The following PHLPP2 variants were observed in gnomAD, a reference collection of about 807,000 sequenced individuals.
PHLPP2 encodes the protein PH domain leucine-rich repeat-containing protein phosphatase 2.
PHLPP2 carries 66 observed loss-of-function variants against 124.9 expected under a neutral mutation model. That is an observed-to-expected ratio of 0.53 (90% confidence interval 0.43 to 0.65). PHLPP2 has a LOEUF of 0.65. PHLPP2 is among the 30% of genes least tolerant of loss of function. PHLPP2 has a pLI of 0.00. For missense variants in PHLPP2, 1,685 were observed against 1,600.4 expected (o/e 1.05, Z -0.90); for synonymous variants, 681 against 624.7 (o/e 1.09, Z -1.34).
Position 71,724,581 on chromosome 16 carries a change from T to A in PHLPP2, c.-259A>T, listed in dbSNP as rs2045421016. 2 of 152,214 alleles carry A rather than the reference T, an allele frequency of 1.3e-5. No individual in the cohort carries two copies. The highest frequency in any genetic ancestry group is 4.1e-4 in the South Asian group (2 of 4,832). 9.4% of individuals were successfully genotyped at this position (152,214 alleles called of 1,614,324 possible). A position where few individuals can be genotyped will look rare whatever the true frequency, so the allele number is the denominator to read the frequency against. ...AAGTTAACTTCTTTTCTTTTCTTTG[T>A]TTTGTTTTTCTTTTCGTTCTCGCAG... On this transcript the variant is annotated 5_prime_UTR_variant, in exon 1 of 19. Transcript: ENST00000568954.
chr16:71,708,070 G>A (rs563513053), intron 2 of PHLPP2, among the ~76,000 whole-genome samples: 5 of 152,228 alleles, frequency 3.3e-5, no homozygotes, highest in South Asian at 2.1e-4. Context: ...AGGTGTCCAC[G>A]CCGCCCCTAA....
rs1297764095 is a variant in PHLPP2 at position 71,714,640 on chromosome 16, G to C, written c.156C>G (p.Ser52=). Reference sequence around the variant, plus strand: ...CAGAGGAAGAGGAGGAGGAGGAAGAGGAAGAGGAGGTGGTGGTGGTTGTAG... The same window carrying C: ...CAGAGGAAGAGGAGGAGGAGGAAGACGAAGAGGAGGTGGTGGTGGTTGTAG... The part of the protein sequence containing the change: ...TATTTTTTSS[S]SSSSSSSSDL... Residue 52 remains serine (S), a synonymous_variant, in exon 2 of 19, where the codon TCC becomes TCG. Transcript: ENST00000568954. 1 of 1,613,690 alleles carries C rather than the reference G, an allele frequency of 6.2e-7. No homozygotes were observed. Among genetic ancestry groups the C allele is most frequent in the African/African-American group, 1.3e-5 (1 of 74,906 alleles).
intron 3 of PHLPP2, among the ~76,000 whole-genome samples, chr16:71,696,785 T>C (rs574491289): frequency 2.6e-5 from 4 of 152,324 alleles, no homozygotes; most frequent in Non-Finnish European, 5.9e-5. Flanking sequence ...GTATTAACTA[T>C]GGCTGTAGCA....
rs1460253674 is a variant in PHLPP2 at position 71,691,484 on chromosome 16, T to C, written c.419-775A>G. Among the ~76,000 whole-genome samples, 17 of 148,138 alleles carry C rather than the reference T, an allele frequency of 1.1e-4. No homozygotes were observed. In the South Asian group the frequency reaches 3.4e-3, roughly 30 times the overall value. On this transcript the variant is annotated intron_variant, in intron 3 of 18. Coordinates refer to ENST00000568954, the MANE Select transcript of PHLPP2 (RefSeq NM_015020.3). Reference sequence around the variant, plus strand: ...TCAAATAAATAAATAAATAAATAAATAAATAAATAAATAAATAAATAAATA... The same window carrying C: ...TCAAATAAATAAATAAATAAATAAACAAATAAATAAATAAATAAATAAATA...
In PHLPP2 at chr16:71,649,478, C is replaced by A; in HGVS notation, c.3384G>T (p.Leu1128=). ...CSLHPTPTSG[L]FQRQPSSATF... is the part of the protein sequence containing the mutation. ...TAGCAGAAGAAGGCTGGCGCTGAAA[C>A]AGCCCAGAGGTGGGTGTTGGGTGGA... is the stretch of plus-strand genomic sequence containing the variant. The change falls in exon 19 of 19, where the codon CTG becomes CTT. Residue 1128 remains leucine, a synonymous_variant. Transcript: ENST00000568954. The A allele has an allele frequency of 1.2e-6, 2 of 1,614,122 alleles. No individual in the cohort carries two copies. Among genetic ancestry groups the A allele is most frequent in the African/African-American group, 2.7e-5 (2 of 75,044 alleles).
chr16:71,671,312 T>C (rs11075898), intron 10 of PHLPP2, among the ~76,000 whole-genome samples: 129,092 of 151,944 alleles, frequency 0.85, 55,000 homozygotes, highest in East Asian at 0.99. Context: ...AGGTACTATC[T>C]TATGCATTTT....
chr16:71,654,302 A>T (rs770703498), intron 17 of PHLPP2, among the ~76,000 whole-genome samples: 1 of 151,278 alleles, frequency 6.6e-6, no homozygotes, highest in Non-Finnish European at 1.5e-5. Context: ...AGTTGTTCCT[A>T]TCCTTTATCG....
chr16:71,702,821 C>T, intron 2 of PHLPP2, 90 bp from the exon 3 acceptor site: 1 of 710,160 alleles, frequency 1.4e-6, no homozygotes, highest in Non-Finnish European at 2.1e-6. Flanking sequence ...GTATAAATTT[C>T]AGGGGTACAA....
At chr16:71,661,977 C>T (rs563824666) in intron 13 of PHLPP2, among the ~76,000 whole-genome samples, 175 of 152,172 alleles carry the variant, frequency 1.2e-3, no homozygotes, top group African/African-American at 4.0e-3. Flanking sequence ...GCGCCCACCA[C>T]CACACCTGGC....
chr16:71,700,120 C>A (rs1178493857), intron 3 of PHLPP2, among the ~76,000 whole-genome samples: 1 of 152,148 alleles, frequency 6.6e-6, no homozygotes, highest in Non-Finnish European at 1.5e-5. Flanking sequence ...GATCCGGCTG[C>A]TCACAGTGGC....
At chr16:71,675,597 C>T (rs572878916) in intron 9 of PHLPP2, among the ~76,000 whole-genome samples, 4 of 152,228 alleles carry the variant, frequency 2.6e-5, no homozygotes, top group Non-Finnish European at 5.9e-5. Flanking sequence ...GCCACTGTAG[C>T]ACAAGAGCAA....
Position 71,655,347 on chromosome 16 carries a change from C to A in PHLPP2, c.2478G>T (p.Glu826Asp), listed in dbSNP as rs2044733251. 8 of 1,613,802 alleles carry A rather than the reference C, an allele frequency of 5.0e-6. No individual in the cohort carries two copies. Among genetic ancestry groups the A allele is most frequent in the Non-Finnish European group, 5.9e-6 (7 of 1,179,682 alleles). ...YGMFDGDRNE[E>D]LPRLLQCTMA... ...TCGTACACTGCAGCAGGCGCGGGAG[C>A]TCCTCATTTCGGTCTCCATCAAACA... is the stretch of plus-strand genomic sequence containing the variant. Residue 826 changes from glutamate (E) to aspartate (D), a missense_variant, in exon 17 of 19, where the codon GAG becomes GAT. By Grantham distance (45) the Glu-to-Asp change is conservative. Transcript: ENST00000568954.
At chr16:71,704,293 G>C (rs574107499) in intron 2 of PHLPP2, among the ~76,000 whole-genome samples, 62 of 134,002 alleles carry the variant, frequency 4.6e-4, no homozygotes, top group Admixed American at 1.2e-3. Context: ...CTGGGCGACA[G>C]TGAGACTCTG....
At chr16:71,703,549 A>G (rs2045250805) in intron 2 of PHLPP2, among the ~76,000 whole-genome samples, 1 of 152,204 alleles carries the variant, frequency 6.6e-6, no homozygotes, top group Non-Finnish European at 1.5e-5. Flanking sequence ...AGAAGGGGCT[A>G]TAATAGTCAT....
intron 10 of PHLPP2, 47 bp from the exon 11 acceptor site, chr16:71,669,417 G>A (rs757609723): frequency 1.5e-6 from 2 of 1,361,680 alleles, no homozygotes; most frequent in Non-Finnish European, 2.1e-6. Flanking sequence ...ATGACAAGTG[G>A]AACTCATTTC....
At chr16:71,709,967 C>T (rs943636324) in intron 2 of PHLPP2, among the ~76,000 whole-genome samples, 9 of 152,064 alleles carry the variant, frequency 5.9e-5, no homozygotes, top group South Asian at 2.1e-4. Context: ...CCAAGAAGTG[C>T]GCGCACTGGA....
chr16:71,722,368 A>C (rs2045403884), intron 1 of PHLPP2, among the ~76,000 whole-genome samples: 1 of 152,174 alleles, frequency 6.6e-6, no homozygotes, highest in Admixed American at 6.5e-5. Context: ...CTGGAGGCAG[A>C]GGTTGCAGAG....
Position 71,652,830 on chromosome 16 carries a change from T to A in PHLPP2, c.2777A>T (p.Glu926Val). The A allele has an allele frequency of 6.2e-7, 1 of 1,614,108 alleles. No homozygotes were observed. Among genetic ancestry groups the A allele is most frequent in the Non-Finnish European group, 8.5e-7 (1 of 1,179,998 alleles). Residue 926 changes from glutamate (E) to valine (V), a missense_variant, in exon 18 of 19, where the codon GAG becomes GTG. Transcript: ENST00000568954. ...TTTTTGGTCCTTCACCCTTTGAGCC[T>A]CCTCTGGGTCCTGCTCCAGGCTGAA... is the stretch of plus-strand genomic sequence containing the variant. Reference protein sequence around the residue: ...KVFSLEQDPEEAQRVKDQKAI... With the variant: ...KVFSLEQDPEVAQRVKDQKAI...
At position 71,652,774 on chromosome 16, in the gene PHLPP2, G is replaced by A. The variant is rs761464417; in HGVS notation, c.2817+16C>T. On this transcript the variant is annotated intron_variant, in intron 18 of 18. Coordinates refer to ENST00000568954, the MANE Select transcript of PHLPP2 (RefSeq NM_015020.3). Reference sequence around the variant, plus strand: ...GATTTGGGGAGCAGAAGTGACTGGCGGGGAGCGGAACACACCTCTGTGATG... The same window carrying A: ...GATTTGGGGAGCAGAAGTGACTGGCAGGGAGCGGAACACACCTCTGTGATG... The A allele has an allele frequency of 8.9e-6, 14 of 1,578,482 alleles. No homozygotes were observed. The highest frequency in any genetic ancestry group is 3.3e-5 in the Admixed American group (2 of 59,886).
Sources: allele counts gnomAD v4.1 joint callset (sites outside exome capture counted in the v4.1 genomes callset), GRCh38; gene constraint gnomAD v4.1.1; transcripts MANE v1.5; gene names NCBI Gene and HGNC (gene_info 2026-07-23, HGNC 2026-07-21).